VPS37A: variants seen among roughly 807,000 people sequenced by gnomAD.
The protein encoded by VPS37A is vacuolar protein sorting-associated protein 37A.
In VPS37A, 30 loss-of-function variants were observed where a neutral mutation model predicts 49.8. The observed-to-expected ratio is 0.60, with a 90% CI of 0.45 to 0.82. VPS37A has a LOEUF of 0.82. Ranked by LOEUF, VPS37A falls within the 40% of genes least tolerant of loss-of-function variation. The pLI is 0.00. For synonymous variants in VPS37A, 195 were observed against 160.6 expected (o/e 1.21, Z -1.62); for missense variants, 593 against 464.4 (o/e 1.28, Z -2.55).
intron 4 of VPS37A, among the ~76,000 whole-genome samples, chr8:17,269,597 T>G (rs916635663): frequency 1.3e-5 from 2 of 152,206 alleles, no homozygotes; most frequent in African/African-American, 4.8e-5. Context: ...GTTTCATTGT[T>G]TCCTTCACAT....
Position 17,297,865 on chromosome 8 carries a change from CAT to C in VPS37A, c.*2880_*2881del, listed in dbSNP as rs1491206138. On this transcript the variant is annotated 3_prime_UTR_variant, in exon 12 of 12. Coordinates refer to ENST00000324849, the MANE Select transcript of VPS37A (RefSeq NM_152415.3). ...GGTTAACTTCTAATAAGCAGACGAA[CAT>C]GTTACATAAATTATAATGTCTGTCT... is the stretch of plus-strand genomic sequence containing the variant. The C allele has an allele frequency of 1.3e-5, 2 of 151,892 alleles. No individual in the cohort carries two copies. Among genetic ancestry groups the C allele is most frequent in the Non-Finnish European group, 1.5e-5 (1 of 67,896 alleles). 9.4% of individuals were successfully genotyped at this position (151,892 alleles called of 1,614,324 possible).
chr8:17,272,413 C>T (rs1164179546), intron 4 of VPS37A, among the ~76,000 whole-genome samples: 1 of 152,156 alleles, frequency 6.6e-6, no homozygotes, highest in African/African-American at 2.4e-5. Context: ...AAAACCCATA[C>T]CTCTATCTTC....
chr8:17,322,676 T>G, the VPS37A span, among the ~76,000 whole-genome samples: 1 of 151,712 alleles, frequency 6.6e-6, no homozygotes, highest in Admixed American at 6.6e-5. Context: ...AAATAAAAAA[T>G]TAGCTGGGTG....
At chr8:17,323,413 G>C in the VPS37A span, among the ~76,000 whole-genome samples, 1 of 152,060 alleles carries the variant, frequency 6.6e-6, no homozygotes, top group Middle Eastern at 3.2e-3. Flanking sequence ...AGGATGAACA[G>C]GAACCAAACT....
downstream of VPS37A, among the ~76,000 whole-genome samples, chr8:17,305,519 C>T (rs997331918): frequency 1.3e-5 from 2 of 152,248 alleles, no homozygotes; most frequent in Middle Eastern, 6.8e-3. Context: ...TGCATCAAGT[C>T]TGTCAAGCTG....
chr8:17,330,625 T>C, the VPS37A span, among the ~76,000 whole-genome samples: 1 of 152,208 alleles, frequency 6.6e-6, no homozygotes, highest in East Asian at 1.9e-4. Context: ...TGTGGGTACG[T>C]GTCTTGTCAT....
At chr8:17,329,489 A>G in the VPS37A span, among the ~76,000 whole-genome samples, 23,439 of 152,024 alleles carry the variant, frequency 0.15, 2,327 homozygotes, top group African/African-American at 0.28. Flanking sequence ...CCACAGGCAT[A>G]AGGGCAGGAG....
In VPS37A at chr8:17,297,275, A is replaced by C. The variant is rs529658706; in HGVS notation, c.*2289A>C. On this transcript the variant is annotated 3_prime_UTR_variant, in exon 12 of 12. Transcript: ENST00000324849. Reference sequence around the variant, plus strand: ...TTAAAATAGAAGAAAATTCTAAATCAATCAATCAGTGAGATATAAACTAAA... The same window carrying C: ...TTAAAATAGAAGAAAATTCTAAATCCATCAATCAGTGAGATATAAACTAAA... The C allele has an allele frequency of 4.6e-5, 7 of 152,230 alleles. No homozygotes were observed. In the South Asian group the frequency reaches 1.5e-3, roughly 32 times the overall value. The allele number at this position is 152,230 out of a possible 1,614,324, so 9.4% of individuals were successfully genotyped here. A position where few individuals can be genotyped will look rare whatever the true frequency, so the allele number is the denominator to read the frequency against.
chr8:17,248,595 T>C (rs768773156), intron 1 of VPS37A, among the ~76,000 whole-genome samples: 1 of 152,188 alleles, frequency 6.6e-6, no homozygotes, highest in Non-Finnish European at 1.5e-5. Context: ...TTTAAAAATA[T>C]TATTTTCATA....
chr8:17,292,878 G>T (rs1816278935), intron 11 of VPS37A, among the ~76,000 whole-genome samples: 1 of 152,190 alleles, frequency 6.6e-6, no homozygotes, highest in Non-Finnish European at 1.5e-5. Context: ...TTCTCTGGCT[G>T]CCCTTAACAT....
At chr8:17,293,560 C>G (rs1307974176) in intron 11 of VPS37A, among the ~76,000 whole-genome samples, 1 of 152,098 alleles carries the variant, frequency 6.6e-6, no homozygotes, top group Non-Finnish European at 1.5e-5. Context: ...AATTTTCAGC[C>G]TTTTTGCACT....
At chr8:17,267,006 C>G (rs911557255) in intron 2 of VPS37A, among the ~76,000 whole-genome samples, 2 of 151,934 alleles carry the variant, frequency 1.3e-5, no homozygotes, top group African/African-American at 4.8e-5. Flanking sequence ...CTCCTGACCT[C>G]GTGATACACC....
intron 11 of VPS37A, among the ~76,000 whole-genome samples, chr8:17,289,084 C>G (rs1214290943): frequency 6.6e-6 from 1 of 152,022 alleles, no homozygotes; most frequent in Non-Finnish European, 1.5e-5. Context: ...AATTTAAGTT[C>G]CTTGTAGATT....
At chr8:17,255,397 C>T (rs112080558) in intron 1 of VPS37A, among the ~76,000 whole-genome samples, 3,993 of 152,180 alleles carry the variant, frequency 0.026, 188 homozygotes, top group African/African-American at 0.092. Context: ...AGGACAATCA[C>T]GTGAACCTGG....
At chr8:17,268,547 G>A (rs1813684037) in intron 3 of VPS37A, among the ~76,000 whole-genome samples, 175 bp downstream of exon 3, 1 of 152,104 alleles carries the variant, frequency 6.6e-6, no homozygotes, top group South Asian at 2.1e-4. Flanking sequence ...ATGGTTGATT[G>A]TGAAAGATTA....
rs189611549 is a variant in VPS37A at position 17,261,210 on chromosome 8, T to A, written c.126-4697T>A. Among the ~76,000 whole-genome samples the A allele has an allele frequency of 5.3e-5, 8 of 152,348 alleles. No individual in the cohort carries two copies. In the East Asian group the frequency reaches 1.5e-3, roughly 29 times the overall value. On this transcript the variant is annotated intron_variant, in intron 1 of 11. Transcript: ENST00000324849. ...ACTGTGTATTTTCTAATAACCTGTC[T>A]TCAGGTTTACTGATTGTTTCTTCTG... is the stretch of plus-strand genomic sequence containing the variant.
chr8:17,279,689 C>G (rs1056852066), intron 6 of VPS37A: 1 of 408,886 alleles, frequency 2.4e-6, no homozygotes, highest in African/African-American at 2.1e-5. Flanking sequence ...TTGTTCTTTA[C>G]CTGAGTTAAG....
chr8:17,332,971 A>G, the VPS37A span, among the ~76,000 whole-genome samples: 1 of 152,216 alleles, frequency 6.6e-6, no homozygotes, highest in Non-Finnish European at 1.5e-5. Flanking sequence ...GTAATCTTTC[A>G]TTGATACCGA....
chr8:17,299,940 T>TGG, downstream of VPS37A: 1 of 1,614,162 alleles, frequency 6.2e-7, no homozygotes, highest in Non-Finnish European at 8.5e-7. Flanking sequence ...CACCACCACT[T>TGG]GGAGACCGAC....
Sources: gnomAD v4.1 joint callset for allele counts (sites outside exome capture counted in the v4.1 genomes callset) on GRCh38, gnomAD v4.1.1 for gene constraint, MANE v1.5 for transcripts, NCBI Gene and HGNC (gene_info 2026-07-23, HGNC 2026-07-21) for gene names.